ZNF552: variants seen among roughly 807,000 people sequenced by gnomAD.
ZNF552 encodes the protein zinc finger protein 552.
In ZNF552, 2 loss-of-function variants were observed where a neutral mutation model predicts 7.2. The observed-to-expected ratio is 0.28, with a 90% CI of 0.11 to 0.88. The LOEUF (loss-of-function observed/expected upper bound fraction) is 0.88. ZNF552 is among the 40% of genes least tolerant of loss of function. The pLI is 0.60. For missense variants in ZNF552, 421 were observed against 493.4 expected (o/e 0.85, Z 1.39); for synonymous variants, 173 against 176.5 (o/e 0.98, Z 0.16).
chr19:57,807,998 G>A lies in ZNF552; in HGVS notation c.*42C>T. The stretch of plus-strand genomic sequence containing the variant: ...GCTGCAATCACAGGATCTTACTCAG[G>A]TGTGTATTCTCCAATATTTAATGAG... On this transcript the variant is annotated 3_prime_UTR_variant, in exon 3 of 3. Coordinates refer to ENST00000391701, the MANE Select transcript of ZNF552 (RefSeq NM_024762.3). The A allele has an allele frequency of 2.6e-6, 4 of 1,544,096 alleles. No individual in the cohort carries two copies. Among genetic ancestry groups the A allele is most frequent in the Middle Eastern group, 1.7e-4 (1 of 5,724 alleles).
chr19:57,810,705 C>CGCAGAGACGGGGTTTCA, intron 2 of ZNF552, among the ~76,000 whole-genome samples: 1 of 152,054 alleles, frequency 6.6e-6, no homozygotes, highest in Non-Finnish European at 1.5e-5. Context: ...GACCTGACAG[C>CGCAGAGACGGGGTTTCA]CCGACGCCAG....
intron 2 of ZNF552, among the ~76,000 whole-genome samples, chr19:57,811,126 C>T (rs891967758): frequency 9.9e-5 from 15 of 151,470 alleles, no homozygotes; most frequent in African/African-American, 3.4e-4. Context: ...AGGGTTCCTC[C>T]GTATGCTGAG....
At position 57,813,436 on chromosome 19, in the gene ZNF552, CAGAT is replaced by C. The variant is rs1987895768; in HGVS notation, c.34-20_34-17del. 6.2e-7 allele frequency: 1 copy of C among 1,610,442 alleles called. No homozygotes were observed. Among genetic ancestry groups the C allele is most frequent in the East Asian group, 2.2e-5 (1 of 44,804 alleles). Reference sequence around the variant, plus strand: ...TCACTGTGCCCTGTTATGATGTTGACAGATGAAACCACAAACCACCCCTATGCTG... The same window carrying C: ...TCACTGTGCCCTGTTATGATGTTGACGAAACCACAAACCACCCCTATGCTG... On this transcript the variant is annotated splice_polypyrimidine_tract_variant and intron_variant, in intron 1 of 2. Coordinates refer to ENST00000391701, the MANE Select transcript of ZNF552 (RefSeq NM_024762.3).
Position 57,812,076 on chromosome 19 carries a change from C to T in ZNF552, c.160+1218G>A, listed in dbSNP as rs368185186. Among the ~76,000 whole-genome samples, 14 of 150,208 alleles carry T rather than the reference C, an allele frequency of 9.3e-5. No homozygotes were observed. In the East Asian group the frequency reaches 2.6e-3, roughly 27 times the overall value. On this transcript the variant is annotated intron_variant, in intron 2 of 2. Transcript: ENST00000391701. ...ATTAGCTGGGCATAATGGCATGCAC[C>T]TGTATTCCCAGCTTCTCAGGAGGCT...
intron 2 of ZNF552, among the ~76,000 whole-genome samples, chr19:57,811,869 A>T (rs1600091617): frequency 6.6e-6 from 1 of 151,436 alleles, no homozygotes; most frequent in East Asian, 1.9e-4. Flanking sequence ...TCTCTACTAA[A>T]AATACAAAAC....
At chr19:57,814,665 G>C in intron 1 of ZNF552, 46 bp downstream of exon 1, 2 of 1,613,966 alleles carry the variant, frequency 1.2e-6, no homozygotes, top group Non-Finnish European at 1.7e-6. Flanking sequence ...TTTAGGACTT[G>C]TGTGACTAGG....
chr19:57,809,409 G>A (rs915406855), intron 2 of ZNF552, among the ~76,000 whole-genome samples: 30 of 152,164 alleles, frequency 2.0e-4, no homozygotes, highest in African/African-American at 6.8e-4. Flanking sequence ...ACATGCGAGT[G>A]CTGTAGAGAG....
At position 57,808,208 on chromosome 19, in the gene ZNF552, A is replaced by G. The variant is rs145072986; in HGVS notation, c.1056T>C (p.Tyr352=). ...AAGATTTCCCACATTCACTGCACTC[A>G]TAAGGCTTCTGACCAGTGTGAACTC... ...HKRVHTGQKP[Y]ECSECGKSFA... Residue 352 remains tyrosine, a synonymous_variant, in exon 3 of 3, where the codon TAT becomes TAC. Transcript: ENST00000391701. 1.5e-4 allele frequency: 250 copies of G among 1,614,174 alleles called. No individual in the cohort carries two copies. The African/African-American group carries it at 2.9e-3, about 19-fold the overall frequency.
intron 2 of ZNF552, among the ~76,000 whole-genome samples, chr19:57,811,319 G>T (rs1047115638): frequency 7.2e-5 from 11 of 151,990 alleles, no homozygotes; most frequent in African/African-American, 2.4e-4. Flanking sequence ...GACTACAGGC[G>T]CCCGCCACCA....
intron 2 of ZNF552, among the ~76,000 whole-genome samples, chr19:57,811,108 G>A (rs1168330540): frequency 1.3e-5 from 2 of 152,108 alleles, no homozygotes; most frequent in South Asian, 4.1e-4. Context: ...TGGCGGCAGG[G>A]GGAAGGCAGG....
rs982540447 is a variant in ZNF552, at chr19:57,809,393, C to T, written c.161-290G>A. On this transcript the variant is annotated intron_variant, in intron 2 of 2. Coordinates refer to ENST00000391701, the MANE Select transcript of ZNF552 (RefSeq NM_024762.3). The stretch of plus-strand genomic sequence containing the variant: ...ACCACTCATCTGCAGAATTTATGTC[C>T]TCATGACATGCGAGTGCTGTAGAGA... The T allele has an allele frequency of 2.4e-5, 15 of 621,216 alleles. No individual in the cohort carries two copies. In the African/African-American group the frequency reaches 2.5e-4, roughly 11 times the overall value. The allele number at this position is 621,216 out of a possible 1,614,324, so 38.5% of individuals were successfully genotyped here. A position where few individuals can be genotyped will look rare whatever the true frequency, so the allele number is the denominator to read the frequency against.
chr19:57,807,991 T>G lies in ZNF552; in HGVS notation c.*49A>C. The G allele has an allele frequency of 6.5e-7, 1 of 1,530,492 alleles. No individual in the cohort carries two copies. Among genetic ancestry groups the G allele is most frequent in the Non-Finnish European group, 8.8e-7 (1 of 1,138,170 alleles). The allele number at this position is 1,530,492 out of a possible 1,614,324, so 94.8% of individuals were successfully genotyped here. On this transcript the variant is annotated 3_prime_UTR_variant, in exon 3 of 3. Coordinates refer to ENST00000391701, the MANE Select transcript of ZNF552 (RefSeq NM_024762.3). ...CACATTTGCTGCAATCACAGGATCTTACTCAGGTGTGTATTCTCCAATATT... is the reference window on the plus strand; with the variant it reads ...CACATTTGCTGCAATCACAGGATCTGACTCAGGTGTGTATTCTCCAATATT...
chr19:57,814,912 C>G lies in ZNF552; in HGVS notation c.-169G>C. ...CTAACGCCAATGGAAATGGTCGCTA[C>G]TAAAGGGCGCCGGGAGTCCCGCCTC... On this transcript the variant is annotated 5_prime_UTR_variant, in exon 1 of 3. Coordinates refer to ENST00000391701, the MANE Select transcript of ZNF552 (RefSeq NM_024762.3). 1.4e-6 allele frequency: 1 copy of G among 696,616 alleles called. No homozygotes were observed. The highest frequency in any genetic ancestry group is 2.3e-6 in the Non-Finnish European group (1 of 426,436). 43.2% of individuals were successfully genotyped at this position (696,616 alleles called of 1,614,324 possible).
chr19:57,814,180 G>A (rs961271974), intron 1 of ZNF552, among the ~76,000 whole-genome samples: 3 of 152,256 alleles, frequency 2.0e-5, no homozygotes, highest in South Asian at 2.1e-4. Context: ...ACGGAGCCAG[G>A]TGACCTTGGA....
chr19:57,811,642 G>A (rs1178596803), intron 2 of ZNF552, among the ~76,000 whole-genome samples: 1 of 149,272 alleles, frequency 6.7e-6, no homozygotes, highest in African/African-American at 2.5e-5. Flanking sequence ...CTTGGGCCTG[G>A]GAGACAGAGG....
At chr19:57,811,018 C>T (rs1987844717) in intron 2 of ZNF552, among the ~76,000 whole-genome samples, 1 of 152,272 alleles carries the variant, frequency 6.6e-6, no homozygotes, top group South Asian at 2.1e-4. Flanking sequence ...TCCTGCTGAA[C>T]CTCTCCCCAC....
At chr19:57,812,174 C>T (rs1987870664) in intron 2 of ZNF552, among the ~76,000 whole-genome samples, 1 of 152,046 alleles carries the variant, frequency 6.6e-6, no homozygotes, top group Non-Finnish European at 1.5e-5. Flanking sequence ...GCACTCCAGC[C>T]TGGGCAACAG....
intron 2 of ZNF552, among the ~76,000 whole-genome samples, chr19:57,811,715 C>CAAAAAAAAAAA (rs1162967437): frequency 2.0e-5 from 1 of 49,702 alleles, no homozygotes. Flanking sequence ...AACTCCATCT[C>CAAAAAAAAAAA]AAAAAAAAAA....
At chr19:57,809,127 A>C in intron 2 of ZNF552, 24 bp from the exon 3 acceptor site, 1 of 1,538,608 alleles carries the variant, frequency 6.5e-7, no homozygotes, top group South Asian at 1.2e-5. Context: ...AATGCTGGTG[A>C]AGTGCATGTT....
Sources: gnomAD v4.1 joint callset for allele counts (sites outside exome capture counted in the v4.1 genomes callset) on GRCh38, gnomAD v4.1.1 for gene constraint, MANE v1.5 for transcripts, NCBI Gene and HGNC (gene_info 2026-07-23, HGNC 2026-07-21) for gene names.